Variants in CAPN3 observed in about 807,000 individuals in gnomAD.
CAPN3 encodes calpain 3.
A neutral mutation model predicts 114.0 loss-of-function variants in CAPN3; 88 were observed. The observed-to-expected ratio is 0.77, with a 90% CI of 0.65 to 0.92. CAPN3 has a LOEUF of 0.92. CAPN3 is among the 40% of genes least tolerant of loss of function. CAPN3 has a pLI of 0.00. For synonymous variants in CAPN3, 386 were observed against 382.9 expected (o/e 1.01, Z -0.09); for missense variants, 1,028 against 1,069.0 (o/e 0.96, Z 0.53).
chr15:42,385,557 G>GAA (rs2053377216), intron 2 of CAPN3: 5 of 436,896 alleles, frequency 1.1e-5, no homozygotes, highest in Admixed American at 2.5e-5. Flanking sequence ...GAGAGAGAGA[G>GAA]AGAAAGAGAG....
rs376966106 is a variant in CAPN3, at chr15:42,398,590, TACACACACACACAC to T, written c.1194-870_1194-857del. Among the ~76,000 whole-genome samples the T allele has an allele frequency of 5.3e-3, 635 of 120,340 alleles. 3 individuals are homozygous for T. Among genetic ancestry groups the T allele is most frequent in the South Asian group, 0.029 (103 of 3,586 alleles). The allele number at this position is 120,340 out of a possible 152,430, so 78.9% of individuals were successfully genotyped here. The stretch of plus-strand genomic sequence containing the variant: ...CAGAGCGAGACTCTGTCTCAAAAAA[TACACACACACACAC>T]ACACACACACACACACACACACACA... On this transcript the variant is annotated intron_variant, in intron 9 of 23. Coordinates refer to ENST00000397163, the MANE Select transcript of CAPN3 (RefSeq NM_000070.3).
chr15:42,402,481 A>T (rs1595838126), intron 12 of CAPN3: 2 of 1,428,122 alleles, frequency 1.4e-6, no homozygotes, highest in East Asian at 5.1e-5. Context: ...CTTCCCTCAG[A>T]ACCCAGCCAA....
chr15:42,368,568 T>C (rs1362132112), intron 1 of CAPN3, among the ~76,000 whole-genome samples: 3 of 152,166 alleles, frequency 2.0e-5, no homozygotes, highest in Admixed American at 1.3e-4. Context: ...TCTGTATTGA[T>C]TGGTTGATGA....
chr15:42,382,095 A>G (rs2053264643), intron 1 of CAPN3, among the ~76,000 whole-genome samples: 1 of 152,196 alleles, frequency 6.6e-6, no homozygotes, highest in African/African-American at 2.4e-5. Flanking sequence ...CATCTTAAAT[A>G]TACTGCTCCA....
chr15:42,387,950 C>T lies in CAPN3; in HGVS notation c.632+64C>T, dbSNP rs142485191. The T allele has an allele frequency of 2.2e-3, 3,581 of 1,595,748 alleles. 22 individuals are homozygous for T. Among genetic ancestry groups the T allele is most frequent in the Middle Eastern group, 0.01 (61 of 5,878 alleles). ...GAGAAAGTGGGTTGCAAAATCCAGC[C>T]GAGACCTCACTCACAGGAAGAGGCA... On this transcript the variant is annotated intron_variant, in intron 4 of 23. Transcript: ENST00000397163.
At chr15:42,402,743 G>A in intron 12 of CAPN3, 51 bp from the exon 13 acceptor site, 4 of 1,596,128 alleles carry the variant, frequency 2.5e-6, no homozygotes, top group Non-Finnish European at 3.4e-6. Context: ...TGGCAGGACA[G>A]GATGTTCCTC....
intron 17 of CAPN3, 149 bp from the exon 18 acceptor site, chr15:42,409,638 T>G: frequency 1.1e-6 from 1 of 878,312 alleles, no homozygotes; most frequent in South Asian, 1.3e-5. Context: ...TGGCCCCCTG[T>G]CTTCCTCAGA....
chr15:42,367,109 G>A (rs892722245), intron 1 of CAPN3, among the ~76,000 whole-genome samples: 1 of 152,136 alleles, frequency 6.6e-6, no homozygotes, highest in Non-Finnish European at 1.5e-5. Context: ...TGGGATTATA[G>A]GCATGAGGCT....
chr15:42,408,827 C>T (rs1173657396), intron 16 of CAPN3: 12 of 279,440 alleles, frequency 4.3e-5, no homozygotes, highest in East Asian at 9.2e-5. Context: ...CTCTTCTATC[C>T]GGGGGCCCCT....
At chr15:42,398,053 C>G (rs2053751342) in intron 9 of CAPN3, among the ~76,000 whole-genome samples, 1 of 151,944 alleles carries the variant, frequency 6.6e-6, no homozygotes, top group Non-Finnish European at 1.5e-5. Context: ...AGATGTAAGC[C>G]ACCACACCTG....
intron 1 of CAPN3, chr15:42,374,537 G>T (rs986664467): frequency 1.7e-4 from 26 of 152,202 alleles, no homozygotes; most frequent in African/African-American, 6.0e-4. Flanking sequence ...CAAAGGTAGG[G>T]ATGGAGGGGA....
rs2054267142 is a variant in CAPN3, at chr15:42,411,951, C to T, written c.*178C>T. The T allele has an allele frequency of 1.6e-5, 24 of 1,526,808 alleles. No individual in the cohort carries two copies. The South Asian group carries it at 2.9e-4, about 18-fold the overall frequency. The allele number at this position is 1,526,808 out of a possible 1,614,324, so 94.6% of individuals were successfully genotyped here. A position where few individuals can be genotyped will look rare whatever the true frequency, so the allele number is the denominator to read the frequency against. ...CCTACCCATCCTTGATCGGTCATGC[C>T]TAGCCTGACCCTTTAGTAAAGCAAT... On this transcript the variant is annotated 3_prime_UTR_variant, in exon 24 of 24. Transcript: ENST00000397163.
chr15:42,408,645 C>A, intron 16 of CAPN3: 1 of 382,278 alleles, frequency 2.6e-6, no homozygotes, highest in Non-Finnish European at 5.0e-6. Context: ...CAACTCTTGT[C>A]TCCTGGTGGC....
chr15:42,403,800 G>T (rs2053943613), intron 14 of CAPN3, 23 bp downstream of exon 14: 9 of 1,612,566 alleles, frequency 5.6e-6, no homozygotes, highest in Non-Finnish European at 7.6e-6. Context: ...GATCTTCTGT[G>T]CGAAAAGTCC....
At chr15:42,395,507 TG>T (rs2141183399) in intron 8 of CAPN3, among the ~76,000 whole-genome samples, 1 of 152,238 alleles carries the variant, frequency 6.6e-6, no homozygotes, top group East Asian at 1.9e-4. Context: ...GCACCTAGTT[TG>T]GGTGGGAGGG....
At chr15:42,405,845 C>A in intron 14 of CAPN3, 81 bp from the exon 15 acceptor site, 2 of 1,130,232 alleles carry the variant, frequency 1.8e-6, no homozygotes, top group Non-Finnish European at 1.4e-6. Context: ...GACCAGGATA[C>A]AGGGAAGCCA....
At chr15:42,396,335 C>T (rs762931998) in intron 8 of CAPN3, among the ~76,000 whole-genome samples, 1 of 151,754 alleles carries the variant, frequency 6.6e-6, no homozygotes, top group Non-Finnish European at 1.5e-5. Context: ...CTCCGCCTCC[C>T]GGGTTCAAGT....
chr15:42,370,851 G>A (rs1040231514), intron 1 of CAPN3, among the ~76,000 whole-genome samples: 2 of 152,104 alleles, frequency 1.3e-5, no homozygotes, highest in Non-Finnish European at 2.9e-5. Context: ...GCAAAGGGTA[G>A]GAGCATAACA....
chr15:42,388,553 A>C (rs28364414), intron 4 of CAPN3, among the ~76,000 whole-genome samples: 137 of 152,222 alleles, frequency 9.0e-4, no homozygotes, highest in Non-Finnish European at 1.6e-3. Context: ...GCAATCCACC[A>C]GCCTTGGCCT....
Sources: allele counts gnomAD v4.1 joint callset (sites outside exome capture counted in the v4.1 genomes callset), GRCh38; gene constraint gnomAD v4.1.1; transcripts MANE v1.5; gene names NCBI Gene and HGNC (gene_info 2026-07-23, HGNC 2026-07-21).